Variants in IGSF11 observed in about 807,000 individuals in gnomAD.
IGSF11 encodes CXADR like 1.
In IGSF11, 22 loss-of-function variants were observed where a neutral mutation model predicts 41.0. That is an observed-to-expected ratio of 0.54 (90% CI 0.38 to 0.77). The LOEUF (loss-of-function observed/expected upper bound fraction) is 0.77. IGSF11 is among the 30% of genes least tolerant of loss of function. The pLI is 0.00. For missense variants in IGSF11, 444 were observed against 530.8 expected (o/e 0.84, Z 1.61); for synonymous variants, 219 against 201.3 (o/e 1.09, Z -0.74).
chr3:119,045,425 C>T (rs555439669), intron 1 of IGSF11, among the ~76,000 whole-genome samples: 64 of 152,342 alleles, frequency 4.2e-4, no homozygotes, highest in African/African-American at 1.5e-3. Context: ...CCGAATACTG[C>T]GCTTTTGCGA....
chr3:118,991,981 T>C (rs753608987), intron 1 of IGSF11, among the ~76,000 whole-genome samples: 10 of 152,248 alleles, frequency 6.6e-5, no homozygotes, highest in African/African-American at 2.2e-4. Flanking sequence ...ATAAGCTTCA[T>C]TGATAATAGT....
chr3:119,045,857 C>T (rs905889033), intron 1 of IGSF11, among the ~76,000 whole-genome samples: 3 of 151,998 alleles, frequency 2.0e-5, no homozygotes, highest in Non-Finnish European at 4.4e-5. Flanking sequence ...AGCAGCCTAA[C>T]TGGGAGGCAC....
intron 4 of IGSF11, among the ~76,000 whole-genome samples, chr3:118,911,870 G>T (rs1329216724): frequency 6.6e-6 from 1 of 152,018 alleles, no homozygotes; most frequent in South Asian, 2.1e-4. Context: ...TAACATGAGA[G>T]TGGGACCATG....
chr3:119,090,437 A>G (rs757373763), intron 1 of IGSF11, among the ~76,000 whole-genome samples: 8 of 152,232 alleles, frequency 5.3e-5, no homozygotes, highest in Non-Finnish European at 1.2e-4. Context: ...AGCAGTCCTA[A>G]GCAAAAAGAA....
chr3:118,926,044 G>C, intron 4 of IGSF11, 57 bp downstream of exon 4: 1 of 1,253,518 alleles, frequency 8.0e-7, no homozygotes, highest in East Asian at 2.7e-5. Context: ...ATTACTTTTT[G>C]AATATTAGAA....
rs891529381 is a variant in IGSF11, at chr3:118,939,271, A to AT, written c.53-8997dup. On this transcript the variant is annotated intron_variant, in intron 1 of 6. Coordinates refer to ENST00000393775, the MANE Select transcript of IGSF11 (RefSeq NM_001015887.3). ...GAAGAAATCTAGAAAACCATCATGT[A>AT]TTTTTTTTTTTAAATCACTTCGGGC... is the stretch of plus-strand genomic sequence containing the variant. Among the ~76,000 whole-genome samples, 565 of 148,948 alleles carry AT rather than the reference A, an allele frequency of 3.8e-3. 4 individuals are homozygous for AT. Among genetic ancestry groups the AT allele is most frequent in the African/African-American group, 0.012 (482 of 40,758 alleles).
At chr3:119,012,007 A>C (rs993971334) in intron 1 of IGSF11, among the ~76,000 whole-genome samples, 1 of 151,992 alleles carries the variant, frequency 6.6e-6, no homozygotes, top group South Asian at 2.1e-4. Flanking sequence ...TCTTTCCTCT[A>C]GCAATATAGT....
intron 1 of IGSF11, among the ~76,000 whole-genome samples, chr3:118,951,318 G>C (rs544283689): frequency 1.4e-4 from 21 of 152,280 alleles, no homozygotes; most frequent in Admixed American, 8.5e-4. Flanking sequence ...TGACAAATGA[G>C]TATGGTTTGG....
intron 1 of IGSF11, among the ~76,000 whole-genome samples, chr3:118,937,054 A>G (rs2107548608): frequency 6.6e-6 from 1 of 152,376 alleles, no homozygotes; most frequent in East Asian, 1.9e-4. Context: ...ACTATGAAGC[A>G]AGTGCTCATG....
intron 1 of IGSF11, among the ~76,000 whole-genome samples, chr3:119,077,887 G>A (rs542033935): frequency 2.8e-4 from 43 of 152,066 alleles, no homozygotes; most frequent in Non-Finnish European, 4.1e-4. Flanking sequence ...CACCAATAGC[G>A]TCCAAGCAGA....
intron 1 of IGSF11, among the ~76,000 whole-genome samples, chr3:119,000,793 A>C (rs1045542615): frequency 6.6e-6 from 1 of 152,152 alleles, no homozygotes; most frequent in African/African-American, 2.4e-5. Context: ...CTCTTAACTC[A>C]TCTTCCTGTC....
At chr3:118,931,590 G>T (rs919805994) in intron 1 of IGSF11, among the ~76,000 whole-genome samples, 2 of 152,086 alleles carry the variant, frequency 1.3e-5, no homozygotes, top group Admixed American at 6.6e-5. Context: ...TCTAGAAAAG[G>T]CAAATCTATA....
chr3:118,990,128 G>T (rs1245526767), intron 1 of IGSF11, among the ~76,000 whole-genome samples: 1 of 152,168 alleles, frequency 6.6e-6, no homozygotes, highest in Non-Finnish European at 1.5e-5. Flanking sequence ...TCAGGCTTTG[G>T]ACTCTCCCCC....
chr3:118,953,575 AT>A (rs1422812152), intron 1 of IGSF11, among the ~76,000 whole-genome samples: 1 of 151,444 alleles, frequency 6.6e-6, no homozygotes, highest in Admixed American at 6.6e-5. Flanking sequence ...TTATTTTTTG[AT>A]TTTTTTTATT....
At chr3:118,944,770 C>T (rs1367495133) in intron 1 of IGSF11, 1 of 152,046 alleles carries the variant, frequency 6.6e-6, no homozygotes, top group African/African-American at 2.4e-5. Flanking sequence ...TCATCAAGAA[C>T]TTATGTGCCA....
At position 118,999,134 on chromosome 3, in the gene IGSF11, T is replaced by C. The variant is rs189253011; in HGVS notation, c.52+35397A>G. 7.1e-3 allele frequency among the ~76,000 whole-genome samples: 1,085 copies of C among 152,062 alleles called. 5 individuals are homozygous for C. Among genetic ancestry groups the C allele is most frequent in the Middle Eastern group, 0.017 (5 of 294 alleles). On this transcript the variant is annotated intron_variant, in intron 1 of 6. Coordinates refer to ENST00000393775, the MANE Select transcript of IGSF11 (RefSeq NM_001015887.3). Reference sequence around the variant, plus strand: ...TAAAAAAAAAATCTGACAATACTAATGCCCTGTGGGGAAACAAATCGAGTG... The same window carrying C: ...TAAAAAAAAAATCTGACAATACTAACGCCCTGTGGGGAAACAAATCGAGTG...
intron 1 of IGSF11, among the ~76,000 whole-genome samples, chr3:119,126,030 C>A (rs551001237): frequency 1.3e-5 from 2 of 152,388 alleles, no homozygotes; most frequent in East Asian, 3.9e-4. Context: ...GAGGGGCGAC[C>A]AGCACCGGCT....
intron 1 of IGSF11, among the ~76,000 whole-genome samples, chr3:119,142,339 C>G (rs547503177): frequency 1.3e-5 from 2 of 150,840 alleles, no homozygotes; most frequent in African/African-American, 4.9e-5. Flanking sequence ...CATGCATGCC[C>G]ACGGAATGAT....
At chr3:119,023,237 T>A (rs1226287806) in intron 1 of IGSF11, among the ~76,000 whole-genome samples, 1 of 113,958 alleles carries the variant, frequency 8.8e-6, no homozygotes, top group African/African-American at 3.5e-5. Flanking sequence ...CACTCCAGCC[T>A]GGGCGACAGA....
Sources: allele counts gnomAD v4.1 joint callset (sites outside exome capture counted in the v4.1 genomes callset), GRCh38; gene constraint gnomAD v4.1.1; transcripts MANE v1.5; gene names NCBI Gene and HGNC (gene_info 2026-07-23, HGNC 2026-07-21).